CEP83: variants seen among roughly 807,000 people sequenced by gnomAD.
CEP83 encodes the protein centrosomal protein 83.
A neutral mutation model predicts 101.9 loss-of-function variants in CEP83; 70 were observed. The observed-to-expected ratio is 0.69, with a 90% CI of 0.57 to 0.84. CEP83 has a LOEUF of 0.84. Ranked by LOEUF, CEP83 falls within the 40% of genes least tolerant of loss-of-function variation. The pLI is 0.00. For missense variants in CEP83, 715 were observed against 787.2 expected (o/e 0.91, Z 1.10); for synonymous variants, 264 against 267.9 (o/e 0.99, Z 0.14).
At chr12:94,414,990 A>C (rs2064161542) in intron 2 of CEP83, among the ~76,000 whole-genome samples, 1 of 152,148 alleles carries the variant, frequency 6.6e-6, no homozygotes, top group Non-Finnish European at 1.5e-5. Context: ...CAAAGGGTAC[A>C]AGAAAAAAAC....
At chr12:94,425,897 G>A (rs2065158553) in intron 2 of CEP83, among the ~76,000 whole-genome samples, 1 of 152,120 alleles carries the variant, frequency 6.6e-6, no homozygotes, top group Non-Finnish European at 1.5e-5. Context: ...AAGGTGGGCG[G>A]ATCACGAGGT....
At chr12:94,331,924 G>A in intron 13 of CEP83, 95 bp from the exon 14 acceptor site, 1 of 1,130,590 alleles carries the variant, frequency 8.8e-7, no homozygotes, top group Non-Finnish European at 1.3e-6. Context: ...CTACCTGTCT[G>A]ACCACATTCT....
chr12:94,297,363 T>A, the CEP83 span: 1 of 1,614,030 alleles, frequency 6.2e-7, no homozygotes, highest in Admixed American at 1.7e-5. Context: ...GAAAGAGACA[T>A]CGAGGGAAGC....
At chr12:94,427,422 T>C (rs2065286266) in intron 2 of CEP83, among the ~76,000 whole-genome samples, 1 of 152,226 alleles carries the variant, frequency 6.6e-6, no homozygotes, top group African/African-American at 2.4e-5. Context: ...TTTTTCCAAA[T>C]TCTTCATCTT....
At chr12:94,312,499 T>A (rs1970018447) in intron 15 of CEP83, 2 of 702,836 alleles carry the variant, frequency 2.8e-6, no homozygotes, top group South Asian at 1.3e-4. Flanking sequence ...GATTATCAGA[T>A]GTGCTTGAAT....
Position 94,360,633 on chromosome 12 carries a change from T to G in CEP83, c.1343+7161A>C, listed in dbSNP as rs563253426. Among the ~76,000 whole-genome samples, 4 of 152,166 alleles carry G rather than the reference T, an allele frequency of 2.6e-5. No homozygotes were observed. The East Asian group carries it at 7.7e-4, about 29-fold the overall frequency. ...CACCAAAAAATGAAAAGAAATCTCA[T>G]GCTTATGGATTGGGAGATTAATATT... is the stretch of plus-strand genomic sequence containing the variant. On this transcript the variant is annotated intron_variant, in intron 11 of 16. Coordinates refer to ENST00000397809, the MANE Select transcript of CEP83 (RefSeq NM_016122.3).
At chr12:94,442,399 A>G (rs2066477678) in intron 1 of CEP83, among the ~76,000 whole-genome samples, 1 of 152,124 alleles carries the variant, frequency 6.6e-6, no homozygotes, top group Non-Finnish European at 1.5e-5. Flanking sequence ...TTAAAAGACT[A>G]CACACCGGGT....
intron 1 of CEP83, among the ~76,000 whole-genome samples, chr12:94,437,604 C>G (rs1395977802): frequency 6.6e-6 from 1 of 152,212 alleles, no homozygotes; most frequent in East Asian, 1.9e-4. Flanking sequence ...AAAAAATTAT[C>G]AGCCAATAAT....
chr12:94,297,984 C>A, the CEP83 span, among the ~76,000 whole-genome samples: 1 of 151,900 alleles, frequency 6.6e-6, no homozygotes, highest in Admixed American at 6.6e-5. Flanking sequence ...TTTTTTTCCT[C>A]CCCCTCTGGA....
intron 11 of CEP83, among the ~76,000 whole-genome samples, chr12:94,349,285 C>G (rs1379047508): frequency 1.4e-5 from 1 of 73,468 alleles, no homozygotes; most frequent in Non-Finnish European, 3.2e-5. Flanking sequence ...GACTCTGTCT[C>G]AAAAAAAAAA....
At chr12:94,318,126 G>C (rs983190779) in intron 14 of CEP83, among the ~76,000 whole-genome samples, 1 of 151,838 alleles carries the variant, frequency 6.6e-6, no homozygotes, top group Admixed American at 6.6e-5. Flanking sequence ...TATCATTGTA[G>C]AGATCATTCA....
chr12:94,346,178 T>C (rs1340563288), intron 11 of CEP83, among the ~76,000 whole-genome samples: 1 of 151,932 alleles, frequency 6.6e-6, no homozygotes, highest in Non-Finnish European at 1.5e-5. Flanking sequence ...GCCTCCCGAG[T>C]AGCTGGGATT....
chr12:94,343,678 A>G (rs1394302628), intron 11 of CEP83, among the ~76,000 whole-genome samples: 3 of 148,796 alleles, frequency 2.0e-5, no homozygotes, highest in African/African-American at 2.5e-5. Context: ...TTTTTTTAGT[A>G]GAGACGGGGT....
At chr12:94,309,887 T>A in intron 16 of CEP83, 31 bp downstream of exon 16, 1 of 1,352,890 alleles carries the variant, frequency 7.4e-7, no homozygotes, top group Non-Finnish European at 9.8e-7. Flanking sequence ...ATGTACGACT[T>A]TTTTTTTCCC....
intron 6 of CEP83, among the ~76,000 whole-genome samples, chr12:94,384,562 C>T (rs2062027766): frequency 6.6e-6 from 1 of 152,130 alleles, no homozygotes; most frequent in Non-Finnish European, 1.5e-5. Flanking sequence ...CTACAGGATA[C>T]TGAGAATCTG....
At chr12:94,313,527 T>TAAAAAAA (rs58864740) in intron 14 of CEP83, among the ~76,000 whole-genome samples, 2 of 95,718 alleles carry the variant, frequency 2.1e-5, no homozygotes, top group Non-Finnish European at 4.0e-5. Flanking sequence ...AAGAACCCAT[T>TAAAAAAA]AAAAAAAAAA....
chr12:94,359,881 CA>C (rs2060659953), intron 11 of CEP83, among the ~76,000 whole-genome samples: 1 of 152,022 alleles, frequency 6.6e-6, no homozygotes. Flanking sequence ...AAACCCTCAA[CA>C]AAAACACCAG....
At chr12:94,424,568 G>A (rs908819089) in intron 2 of CEP83, 1 of 1,613,532 alleles carries the variant, frequency 6.2e-7, no homozygotes, top group Non-Finnish European at 8.5e-7. Flanking sequence ...TAAATTTGTG[G>A]GGTCCTGTTC....
intron 6 of CEP83, among the ~76,000 whole-genome samples, chr12:94,384,608 T>A (rs1341266729): frequency 1.3e-5 from 2 of 152,122 alleles, no homozygotes; most frequent in Non-Finnish European, 2.9e-5. Flanking sequence ...CTCTAGTCTG[T>A]TCAGATTGGG....
Sources: allele counts gnomAD v4.1 joint callset (sites outside exome capture counted in the v4.1 genomes callset), GRCh38; gene constraint gnomAD v4.1.1; transcripts MANE v1.5; gene names NCBI Gene and HGNC (gene_info 2026-07-23, HGNC 2026-07-21).